The following PTPRK variants were observed in gnomAD, a reference collection of about 807,000 sequenced individuals.
PTPRK encodes receptor-type tyrosine-protein phosphatase kappa.
Under a neutral mutation model 178.0 loss-of-function variants are expected in PTPRK, and 75 were observed. The ratio of observed to expected loss-of-function variants is 0.42; its 90% confidence interval spans 0.35 to 0.51. The LOEUF is 0.51. PTPRK is among the 20% of genes least tolerant of loss of function. PTPRK has a pLI of 0.02. For missense variants in PTPRK, 1,441 were observed against 1,797.8 expected (o/e 0.80, Z 3.59); for synonymous variants, 637 against 620.6 (o/e 1.03, Z -0.39).
intron 2 of PTPRK, among the ~76,000 whole-genome samples, chr6:128,335,568 A>C (rs1425969413): frequency 6.6e-6 from 1 of 152,080 alleles, no homozygotes; most frequent in Non-Finnish European, 1.5e-5. Context: ...AAGATGAAAG[A>C]AAAGAGAGGA....
intron 7 of PTPRK, among the ~76,000 whole-genome samples, chr6:128,151,423 T>C (rs959915592): frequency 1.3e-5 from 2 of 152,068 alleles, no homozygotes; most frequent in African/African-American, 4.8e-5. Context: ...TAAACATCTC[T>C]TTAGTAGATT....
At chr6:128,322,438 C>A in intron 2 of PTPRK, 128 bp from the exon 3 acceptor site, 3 of 855,094 alleles carry the variant, frequency 3.5e-6, no homozygotes, top group Middle Eastern at 2.7e-4. Context: ...CAGAACACAG[C>A]CACAGAAATA....
chr6:128,019,779 T>C (rs1051371412), intron 13 of PTPRK, among the ~76,000 whole-genome samples: 3 of 152,116 alleles, frequency 2.0e-5, no homozygotes, highest in Non-Finnish European at 4.4e-5. Flanking sequence ...GATCACCTGA[T>C]AGTGAGGACT....
intron 2 of PTPRK, among the ~76,000 whole-genome samples, chr6:128,391,461 T>C (rs1839559058): frequency 6.6e-6 from 1 of 152,172 alleles, no homozygotes; most frequent in Non-Finnish European, 1.5e-5. Flanking sequence ...CTAGCGATAA[T>C]ATTGCAAGCT....
intron 6 of PTPRK, among the ~76,000 whole-genome samples, chr6:128,196,079 CA>C (rs1804805732): frequency 6.6e-6 from 1 of 152,002 alleles, no homozygotes; most frequent in Non-Finnish European, 1.5e-5. Context: ...ACCTGGGAAC[CA>C]GAGGACAGGT....
chr6:128,207,459 A>C (rs945252944), intron 6 of PTPRK, among the ~76,000 whole-genome samples: 4 of 152,170 alleles, frequency 2.6e-5, no homozygotes, highest in African/African-American at 9.6e-5. Flanking sequence ...AGGAAAATGC[A>C]CTCATTTACA....
Position 128,082,584 on chromosome 6 carries a change from G to A in PTPRK, c.1630C>T (p.Pro544Ser), listed in dbSNP as rs753446297. ...FDPAVPVAGP[P>S]QTVSNLWNST... ...TTCCATAAATTTGATACAGTCTGGGGAGGTCCAGCCACTGGAACTGCAGGA... is the reference window on the plus strand; with the variant it reads ...TTCCATAAATTTGATACAGTCTGGGAAGGTCCAGCCACTGGAACTGCAGGA... The change falls in exon 10 of 30, where the codon CCC becomes TCC. Residue 544 changes from proline (P) to serine (S), a missense_variant. Pro to Ser is a moderately conservative substitution (Grantham distance 74). This residue lies in a region of PTPRK where 945 missense variants were observed against 1,080.6 expected (regional missense o/e 0.87). Coordinates refer to ENST00000368226, the MANE Select transcript of PTPRK (RefSeq NM_002844.4). 6.2e-7 allele frequency: 1 copy of A among 1,612,808 alleles called. No individual in the cohort carries two copies. Among genetic ancestry groups the A allele is most frequent in the Admixed American group, 1.7e-5 (1 of 59,878 alleles).
At chr6:128,131,468 A>G (rs1369057821) in intron 7 of PTPRK, among the ~76,000 whole-genome samples, 1 of 152,144 alleles carries the variant, frequency 6.6e-6, no homozygotes, top group African/African-American at 2.4e-5. Context: ...GCAGGTGCAT[A>G]TTTGGAAACA....
intron 13 of PTPRK, among the ~76,000 whole-genome samples, chr6:128,031,888 A>G (rs1295218222): frequency 6.6e-6 from 1 of 152,186 alleles, no homozygotes; most frequent in Admixed American, 6.5e-5. Context: ...TGTCTGAGTC[A>G]GCATCCTCAA....
intron 1 of PTPRK, among the ~76,000 whole-genome samples, chr6:128,452,138 G>T (rs2128406913): frequency 6.6e-6 from 1 of 152,244 alleles, no homozygotes; most frequent in East Asian, 1.9e-4. Flanking sequence ...GCACTGTTCT[G>T]CCTGTTCAAA....
intron 7 of PTPRK, among the ~76,000 whole-genome samples, chr6:128,155,996 T>C (rs906086616): frequency 1.3e-5 from 2 of 151,914 alleles, no homozygotes; most frequent in African/African-American, 4.8e-5. Flanking sequence ...CATTCCAGGG[T>C]ACAAACACCA....
chr6:128,029,528 G>A (rs1774913613), intron 13 of PTPRK, among the ~76,000 whole-genome samples: 1 of 151,752 alleles, frequency 6.6e-6, no homozygotes, highest in Non-Finnish European at 1.5e-5. Flanking sequence ...GCGGGCACCT[G>A]TAATCCGAGC....
At chr6:128,071,470 T>C (rs1254658999) in intron 11 of PTPRK, among the ~76,000 whole-genome samples, 1 of 152,052 alleles carries the variant, frequency 6.6e-6, no homozygotes, top group African/African-American at 2.4e-5. Flanking sequence ...AATCTTGATA[T>C]ACACCTGTCT....
intron 1 of PTPRK, among the ~76,000 whole-genome samples, chr6:128,483,771 A>G (rs1435073447): frequency 6.6e-6 from 1 of 152,160 alleles, no homozygotes; most frequent in Non-Finnish European, 1.5e-5. Context: ...GCCTGCAACT[A>G]GTTTAGAATT....
At chr6:128,233,421 T>A (rs1227216961) in intron 5 of PTPRK, among the ~76,000 whole-genome samples, 1 of 152,164 alleles carries the variant, frequency 6.6e-6, no homozygotes, top group Non-Finnish European at 1.5e-5. Context: ...TGGTCAGAAG[T>A]TTTAGACCAA....
chr6:128,477,883 C>T (rs1384100786), intron 1 of PTPRK, among the ~76,000 whole-genome samples: 3 of 151,970 alleles, frequency 2.0e-5, no homozygotes, highest in African/African-American at 7.2e-5. Flanking sequence ...AATTCTGAGG[C>T]CTTTGAGGAT....
At chr6:128,017,690 G>A (rs9491899) in intron 13 of PTPRK, among the ~76,000 whole-genome samples, 3,716 of 143,784 alleles carry the variant, frequency 0.026, 167 homozygotes, top group African/African-American at 0.09. Context: ...TTTTCAGCTC[G>A]CTCTCACTCT....
At chr6:128,102,280 G>A (rs563977067) in intron 7 of PTPRK, among the ~76,000 whole-genome samples, 69 of 152,310 alleles carry the variant, frequency 4.5e-4, no homozygotes, top group African/African-American at 1.6e-3. Context: ...GAATTCAAAG[G>A]TGAATAAGAC....
intron 7 of PTPRK, among the ~76,000 whole-genome samples, chr6:128,092,763 A>G (rs1787208670): frequency 6.6e-6 from 1 of 152,236 alleles, no homozygotes; most frequent in Admixed American, 6.5e-5. Context: ...CAAAGATTCC[A>G]ACAATAAAGT....
Sources: allele counts gnomAD v4.1 joint callset (sites outside exome capture counted in the v4.1 genomes callset), GRCh38; gene constraint gnomAD v4.1.1; regional missense constraint gnomAD v4.1.1; transcripts MANE v1.5; gene names NCBI Gene and HGNC (gene_info 2026-07-23, HGNC 2026-07-21).